The following FAM98B variants were observed in gnomAD, a reference collection of about 807,000 sequenced individuals.
FAM98B encodes the protein tRNA splicing ligase complex subunit 3B.
Under a neutral mutation model 43.9 loss-of-function variants are expected in FAM98B, and 32 were observed. The ratio of observed to expected loss-of-function variants is 0.73; its 90% confidence interval spans 0.55 to 0.98. The LOEUF (loss-of-function observed/expected upper bound fraction) is 0.98, where lower values mean the gene tolerates loss of function less well. Ranked by LOEUF, FAM98B falls within the 50% of genes least tolerant of loss-of-function variation. The pLI, the probability that FAM98B is intolerant of heterozygous loss-of-function variation, is 0.00. For synonymous variants in FAM98B, 190 were observed against 174.0 expected (o/e 1.09, Z -0.72); for missense variants, 514 against 522.9 (o/e 0.98, Z 0.17).
Position 38,473,534 on chromosome 15 carries a change from A to G in FAM98B, c.561A>G (p.Lys187=), listed in dbSNP as rs887748802. The part of the protein sequence containing the change: ...KVKDILSKVQ[K]NHVGKPLLKM... The stretch of plus-strand genomic sequence containing the variant: ...AAGATATTCTCTCAAAGGTCCAGAA[A>G]AATCATGTGGGAAAACCACTGCTGA... The change falls in exon 5 of 8, where the codon AAA becomes AAG. Residue 187 remains lysine, a synonymous_variant. Transcript: ENST00000397609. 1.2e-6 allele frequency: 2 copies of G among 1,610,644 alleles called. No individual in the cohort carries two copies. The highest frequency in any genetic ancestry group is 1.7e-6 in the Non-Finnish European group (2 of 1,178,626).
chr15:38,466,182 TTGTG>T (rs35919139), intron 3 of FAM98B, among the ~76,000 whole-genome samples: 3,231 of 147,634 alleles, frequency 0.022, 47 homozygotes, highest in East Asian at 0.04. Context: ...GAGATGAAAT[TTGTG>T]TGTGTGTGTG....
At position 38,454,188 on chromosome 15, in the gene FAM98B, A is replaced by G. The variant is rs201086439; in HGVS notation, c.27A>G (p.Gln9=). 5.4e-5 allele frequency: 86 copies of G among 1,603,456 alleles called. No homozygotes were observed. In the East Asian group the frequency reaches 1.8e-3, roughly 34 times the overall value. Residue 9 remains glutamine, a synonymous_variant, in exon 1 of 8, where the codon CAA becomes CAG. Coordinates refer to ENST00000397609, the MANE Select transcript of FAM98B (RefSeq NM_173611.4). The stretch of plus-strand genomic sequence containing the variant: ...TGAGAGGGCCGGAGCCGGGTCCCCA[A>G]CCGACGATGGAGGGAGACGTGCTGG... The part of the protein sequence containing the change: MRGPEPGP[Q]PTMEGDVLDT...
chr15:38,481,421 G>A lies in FAM98B; in HGVS notation c.859G>A (p.Gly287Ser). ...ATCCAAGATCATTAGGACAAGTAGT[G>A]GCACCAGCCGGGAGAAGACCGCATG... Reference protein sequence around the residue: ...DLSKIIRTSSGTSREKTACAI... With the variant: ...DLSKIIRTSSSTSREKTACAI... The change falls in exon 7 of 8, where the codon GGC becomes AGC. Residue 287 changes from glycine to serine, a missense_variant. By Grantham distance (56) the Gly-to-Ser change is moderately conservative. This residue lies in a region of FAM98B where 469 missense variants were observed against 451.8 expected (regional missense o/e 1.04). Coordinates refer to ENST00000397609, the MANE Select transcript of FAM98B (RefSeq NM_173611.4). The A allele has an allele frequency of 6.2e-7, 1 of 1,614,152 alleles. No individual in the cohort carries two copies. Among genetic ancestry groups the A allele is most frequent in the Non-Finnish European group, 8.5e-7 (1 of 1,180,020 alleles).
At chr15:38,476,489 A>G (rs1890202411) in intron 6 of FAM98B, among the ~76,000 whole-genome samples, 1 of 151,706 alleles carries the variant, frequency 6.6e-6, no homozygotes, top group African/African-American at 2.4e-5. Flanking sequence ...TAAACATTCT[A>G]GATAGACTCG....
At chr15:38,473,985 C>G (rs1378922393) in intron 5 of FAM98B, among the ~76,000 whole-genome samples, 197 bp from the exon 6 acceptor site, 2 of 152,192 alleles carry the variant, frequency 1.3e-5, no homozygotes, top group South Asian at 2.1e-4. Flanking sequence ...TGTTTAATGT[C>G]TTCTGGATAT....
At chr15:38,465,736 A>T (rs62002929) in intron 3 of FAM98B, among the ~76,000 whole-genome samples, 1,742 of 152,276 alleles carry the variant, frequency 0.011, 20 homozygotes, top group Non-Finnish European at 0.019. Context: ...TATTTAATCT[A>T]AAAACTCTCT....
At chr15:38,457,577 G>C (rs1426776103) in intron 1 of FAM98B, among the ~76,000 whole-genome samples, 1 of 152,194 alleles carries the variant, frequency 6.6e-6, no homozygotes, top group African/African-American at 2.4e-5. Context: ...TGCAGTGGTT[G>C]TAAGTAATGG....
Position 38,454,324 on chromosome 15 carries a change from G to GGGCGGCCATGTGTAGGCCTC in FAM98B, c.71+93_71+112dup. The GGGCGGCCATGTGTAGGCCTC allele has an allele frequency of 2.2e-6, 3 of 1,365,936 alleles. No individual in the cohort carries two copies. In the South Asian group the frequency reaches 3.8e-5, roughly 17 times the overall value. The allele number at this position is 1,365,936 out of a possible 1,614,324, so 84.6% of individuals were successfully genotyped here. A position where few individuals can be genotyped will look rare whatever the true frequency, so the allele number is the denominator to read the frequency against. On this transcript the variant is annotated intron_variant, in intron 1 of 7. Transcript: ENST00000397609. Reference sequence around the variant, plus strand: ...ACTTCCCTTGGGCCTCTGTGGGCCTGGGCGGCCATGTGTAGGCCTCCTTCC... The same window carrying GGGCGGCCATGTGTAGGCCTC: ...ACTTCCCTTGGGCCTCTGTGGGCCTGGGCGGCCATGTGTAGGCCTCGGCGGCCATGTGTAGGCCTCCTTCC...
intron 2 of FAM98B, among the ~76,000 whole-genome samples, chr15:38,464,630 T>C (rs1889999655): frequency 1.3e-5 from 2 of 152,166 alleles, no homozygotes; most frequent in South Asian, 2.1e-4. Flanking sequence ...CTGTACTAGC[T>C]CATAAAGCTT....
chr15:38,484,406 G>C lies in FAM98B; in HGVS notation c.1049G>C (p.Gly350Ala). Residue 350 changes from glycine to alanine, a missense_variant, in exon 8 of 8, where the codon GGT becomes GCT. Around this residue, in one of 2 missense-constraint regions of FAM98B, gnomAD observed 469 missense variants for 451.8 expected, o/e 1.04. Coordinates refer to ENST00000397609, the MANE Select transcript of FAM98B (RefSeq NM_173611.4). ...GGTGGAGGTGGTGGTAGAGGAGGTGGTGGGGGTGGGGGTGGGAGAGGTGGC... is the reference window on the plus strand; with the variant it reads ...GGTGGAGGTGGTGGTAGAGGAGGTGCTGGGGGTGGGGGTGGGAGAGGTGGC... ...GGGGGGGRGG[G>A]GGGGGRGGWG... The C allele has an allele frequency of 1.0e-6, 1 of 1,001,432 alleles. No homozygotes were observed. Among genetic ancestry groups the C allele is most frequent in the South Asian group, 2.8e-5 (1 of 35,426 alleles). 62.0% of individuals were successfully genotyped at this position (1,001,432 alleles called of 1,614,324 possible). A position where few individuals can be genotyped will look rare whatever the true frequency, so the allele number is the denominator to read the frequency against.
At chr15:38,459,168 G>A in intron 1 of FAM98B, 1 of 390,218 alleles carries the variant, frequency 2.6e-6, no homozygotes, top group African/African-American at 2.1e-5. Flanking sequence ...CTCAATCTCT[G>A]TAGGCACTGT....
At chr15:38,484,028 G>T (rs1488040066) in intron 7 of FAM98B, among the ~76,000 whole-genome samples, 1 of 151,842 alleles carries the variant, frequency 6.6e-6, no homozygotes, top group African/African-American at 2.4e-5. Flanking sequence ...CAATGGTATA[G>T]AACACTAGAA....
intron 2 of FAM98B, 28 bp downstream of exon 2, chr15:38,464,205 T>C (rs753112663): frequency 1.3e-6 from 2 of 1,590,960 alleles, no homozygotes; most frequent in Admixed American, 1.7e-5. Flanking sequence ...TATTTACTTT[T>C]CTGTTTAATA....
chr15:38,463,827 GTCA>G lies in FAM98B; in HGVS notation c.72-200_72-198del, dbSNP rs145555368. ...AACCATTTCTTTAGAAGGCCATGTA[GTCA>G]TCATTTTCGGTTACAAATACTTAGC... On this transcript the variant is annotated intron_variant, in intron 1 of 7. Coordinates refer to ENST00000397609, the MANE Select transcript of FAM98B (RefSeq NM_173611.4). 8.7e-4 allele frequency among the ~76,000 whole-genome samples: 133 copies of G among 152,272 alleles called. 2 individuals carry two copies. The highest frequency in any genetic ancestry group is 3.2e-3 in the African/African-American group (133 of 41,540).
Position 38,481,474 on chromosome 15 carries a change from C to T in FAM98B, c.897+15C>T. The T allele has an allele frequency of 6.2e-7, 1 of 1,614,146 alleles. No homozygotes were observed. ...CCATTAATAAGGTTGGTGTTTCTTT[C>T]AGTACAGTGGAAAATGAATTGATGA... On this transcript the variant is annotated intron_variant, in intron 7 of 7. Transcript: ENST00000397609.
At chr15:38,483,192 A>G (rs1261745816) in intron 7 of FAM98B, 1 of 152,216 alleles carries the variant, frequency 6.6e-6, no homozygotes, top group East Asian at 1.9e-4. Flanking sequence ...TTGTTATTGT[A>G]TAAATGGATA....
At chr15:38,467,458 T>G (rs1890054248) in intron 3 of FAM98B, among the ~76,000 whole-genome samples, 1 of 152,116 alleles carries the variant, frequency 6.6e-6, no homozygotes, top group South Asian at 2.1e-4. Context: ...ATGCACAATA[T>G]CACTTATGAC....
At chr15:38,465,595 G>T (rs1335938525) in intron 3 of FAM98B, among the ~76,000 whole-genome samples, 192 bp downstream of exon 3, 2 of 152,078 alleles carry the variant, frequency 1.3e-5, no homozygotes, top group Non-Finnish European at 1.5e-5. Flanking sequence ...TCTAACACTT[G>T]TGATTTATTT....
At chr15:38,457,388 A>G (rs949665565) in intron 1 of FAM98B, among the ~76,000 whole-genome samples, 11 of 152,200 alleles carry the variant, frequency 7.2e-5, no homozygotes, top group Non-Finnish European at 1.6e-4. Flanking sequence ...TAAATTGGAT[A>G]CAGAAGAATG....
Sources: allele counts gnomAD v4.1 joint callset (sites outside exome capture counted in the v4.1 genomes callset), GRCh38; gene constraint gnomAD v4.1.1; regional missense constraint gnomAD v4.1.1; transcripts MANE v1.5; gene names NCBI Gene and HGNC (gene_info 2026-07-23, HGNC 2026-07-21).